CYP2J2: variants seen among roughly 807,000 people sequenced by gnomAD.
CYP2J2 encodes cytochrome P450 2J2.
Under a neutral mutation model 48.8 loss-of-function variants are expected in CYP2J2, and 41 were observed. The ratio of observed to expected loss-of-function variants is 0.84; its 90% CI spans 0.66 to 1.09. The LOEUF (loss-of-function observed/expected upper bound fraction) is 1.09. Among genes scored for constraint, CYP2J2 ranks in the 50% least tolerant of loss-of-function variants. The pLI, the probability that CYP2J2 is intolerant of heterozygous loss-of-function variation, is 0.00. For missense variants in CYP2J2, 644 were observed against 617.3 expected, an observed-to-expected ratio of 1.04 and a Z score of -0.46; for synonymous variants, 221 against 227.1, an observed-to-expected ratio of 0.97 and a Z score of 0.24.
At chr1:59,953,121 G>A in the CYP2J2 span, among the ~76,000 whole-genome samples, 1 of 152,180 alleles carries the variant, frequency 6.6e-6, no homozygotes, top group African/African-American at 2.4e-5. Flanking sequence ...TGATGCAAAA[G>A]GTCATAGGCG....
At chr1:59,936,726 A>T in the CYP2J2 span, among the ~76,000 whole-genome samples, 1 of 152,140 alleles carries the variant, frequency 6.6e-6, no homozygotes, top group Non-Finnish European at 1.5e-5. Flanking sequence ...CTGCACAAAC[A>T]TCAAGGGCCA....
At chr1:59,929,731 A>G (rs1031889180), upstream of CYP2J2, among the ~76,000 whole-genome samples, 2 of 152,174 alleles carry the variant, frequency 1.3e-5, no homozygotes, top group African/African-American at 4.8e-5. Flanking sequence ...GAAAACAGAG[A>G]CAGAAAAAAA....
chr1:59,968,964 C>T, the CYP2J2 span, among the ~76,000 whole-genome samples: 2 of 152,034 alleles, frequency 1.3e-5, no homozygotes, highest in Non-Finnish European at 2.9e-5. Flanking sequence ...TATGTGGTCT[C>T]GCTGGCTCAG....
the CYP2J2 span, among the ~76,000 whole-genome samples, chr1:59,937,509 CTT>C: frequency 6.6e-6 from 1 of 152,018 alleles, no homozygotes; most frequent in Admixed American, 6.6e-5. Flanking sequence ...TGGGAACTAA[CTT>C]AAACACAGTT....
At chr1:59,939,132 A>G in the CYP2J2 span, among the ~76,000 whole-genome samples, 2 of 152,240 alleles carry the variant, frequency 1.3e-5, no homozygotes, top group South Asian at 4.1e-4. Context: ...ACACAGACAC[A>G]GTAACAGTCT....
chr1:59,947,228 G>GTGCA, the CYP2J2 span, among the ~76,000 whole-genome samples: 1 of 152,212 alleles, frequency 6.6e-6, no homozygotes, highest in Non-Finnish European at 1.5e-5. Flanking sequence ...AAGCAAAACA[G>GTGCA]TGCATGGTCT....
At chr1:59,944,154 A>G in the CYP2J2 span, among the ~76,000 whole-genome samples, 3 of 152,222 alleles carry the variant, frequency 2.0e-5, no homozygotes, top group Admixed American at 6.5e-5. Context: ...GTCTCATACA[A>G]TGAGCATTGG....
intron 8 of CYP2J2, among the ~76,000 whole-genome samples, chr1:59,900,354 G>C (rs1406728983): frequency 1.3e-5 from 2 of 152,218 alleles, no homozygotes; most frequent in Non-Finnish European, 2.9e-5. Flanking sequence ...CCGACCGGGT[G>C]TGGTGGCTCA....
chr1:59,916,766 C>G (rs1644469886), intron 1 of CYP2J2, among the ~76,000 whole-genome samples: 1 of 151,938 alleles, frequency 6.6e-6, no homozygotes, highest in South Asian at 2.1e-4. Flanking sequence ...ATTTCTAACC[C>G]CAAGCATCCT....
chr1:59,944,313 C>T, the CYP2J2 span, among the ~76,000 whole-genome samples: 4 of 148,140 alleles, frequency 2.7e-5, no homozygotes, highest in Admixed American at 6.7e-5. Flanking sequence ...GCTTCAACTT[C>T]CCAGGCTCAA....
intron 1 of CYP2J2, among the ~76,000 whole-genome samples, chr1:59,919,440 C>G (rs1045868542): frequency 3.9e-5 from 6 of 152,194 alleles, no homozygotes; most frequent in African/African-American, 1.4e-4. Context: ...CACATGTGCA[C>G]GTGTGCACGC....
the CYP2J2 span, among the ~76,000 whole-genome samples, chr1:59,941,019 G>A: frequency 3.3e-5 from 5 of 152,066 alleles, no homozygotes; most frequent in Non-Finnish European, 5.9e-5. Context: ...GAGAAAGAGA[G>A]GTAGCTTAAT....
intron 2 of CYP2J2, 61 bp from the exon 3 acceptor site, chr1:59,912,372 T>C: frequency 6.5e-7 from 1 of 1,529,700 alleles, no homozygotes; most frequent in South Asian, 1.2e-5. Context: ...ATCCAGCAAA[T>C]GATATGGGAA....
the CYP2J2 span, among the ~76,000 whole-genome samples, chr1:59,962,652 T>C: frequency 4.6e-5 from 7 of 152,306 alleles, no homozygotes; most frequent in South Asian, 2.1e-4. Flanking sequence ...ATTGACATAG[T>C]CATAATGTTA....
intron 1 of CYP2J2, 88 bp from the exon 2 acceptor site, chr1:59,916,188 T>C (rs1284881066): frequency 1.6e-5 from 18 of 1,118,878 alleles, no homozygotes; most frequent in East Asian, 2.4e-5. Context: ...GGGGATCATA[T>C]TGAGAGGAGT....
At chr1:59,962,766 T>C in the CYP2J2 span, among the ~76,000 whole-genome samples, 1 of 152,174 alleles carries the variant, frequency 6.6e-6, no homozygotes, top group Non-Finnish European at 1.5e-5. Flanking sequence ...TCCTTGAGAT[T>C]AACATCCACC....
chr1:59,915,593 C>T (rs1443965682), intron 2 of CYP2J2, among the ~76,000 whole-genome samples: 2 of 152,094 alleles, frequency 1.3e-5, no homozygotes, highest in African/African-American at 4.8e-5. Context: ...GAGGAAGATC[C>T]ACATCCATTT....
At chr1:59,913,417 C>T (rs1236938692) in intron 2 of CYP2J2, among the ~76,000 whole-genome samples, 1 of 152,190 alleles carries the variant, frequency 6.6e-6, no homozygotes, top group Non-Finnish European at 1.5e-5. Flanking sequence ...CGCTGCCTGC[C>T]TCACTTTGCT....
At chr1:59,901,140 C>T (rs747223573) in intron 7 of CYP2J2, 37 bp from the exon 8 acceptor site, 1 of 1,602,448 alleles carries the variant, frequency 6.2e-7, no homozygotes. Flanking sequence ...AAGGCTTGAC[C>T]CATGAAAAAG....
Sources: gnomAD v4.1 joint callset for allele counts (sites outside exome capture counted in the v4.1 genomes callset) on GRCh38, gnomAD v4.1.1 for gene constraint, MANE v1.5 for transcripts, NCBI Gene and HGNC (gene_info 2026-07-23, HGNC 2026-07-21) for gene names.